PCDH15: variants seen among roughly 807,000 people sequenced by gnomAD.
PCDH15 encodes the protein protocadherin related 15.
Under a neutral mutation model 178.5 loss-of-function variants are expected in PCDH15, and 129 were observed. The ratio of observed to expected loss-of-function variants is 0.72; its 90% CI spans 0.63 to 0.84. The LOEUF is 0.84. PCDH15 is among the 40% of genes least tolerant of loss of function. The probability of loss-of-function intolerance (pLI) is 0.00; values close to 1 mark genes in which losing one functional copy is unlikely to be tolerated. For synonymous variants in PCDH15, 800 were observed against 732.0 expected, an observed-to-expected ratio of 1.09 and a Z score of -1.50; for missense variants, 2,230 against 2,099.9, an observed-to-expected ratio of 1.06 and a Z score of -1.21.
At chr10:54,772,807 C>A (rs1949247635) in intron 1 of PCDH15, among the ~76,000 whole-genome samples, 1 of 152,094 alleles carries the variant, frequency 6.6e-6, no homozygotes, top group South Asian at 2.1e-4. Context: ...TATAAAGACA[C>A]ATGCATGCAT....
chr10:54,042,732 G>A (rs540708043), intron 18 of PCDH15, among the ~76,000 whole-genome samples: 57 of 152,262 alleles, frequency 3.7e-4, no homozygotes, highest in African/African-American at 1.2e-3. Flanking sequence ...CTAACACAAT[G>A]AGCATCCACT....
intron 1 of PCDH15, among the ~76,000 whole-genome samples, chr10:55,288,878 T>C (rs1400807635): frequency 6.6e-6 from 1 of 151,580 alleles, no homozygotes; most frequent in Non-Finnish European, 1.5e-5. Context: ...TAGATATATA[T>C]ATATATATAT....
intron 31 of PCDH15, among the ~76,000 whole-genome samples, chr10:53,828,253 G>T (rs2076821857): frequency 7.1e-6 from 1 of 141,794 alleles, no homozygotes; most frequent in Non-Finnish European, 1.5e-5. Context: ...TCCTAGGAAT[G>T]CCTGTGATTC....
chr10:54,014,776 C>T (rs1193155450), intron 20 of PCDH15, among the ~76,000 whole-genome samples: 1 of 152,014 alleles, frequency 6.6e-6, no homozygotes, highest in African/African-American at 2.4e-5. Flanking sequence ...ATAATAAAAG[C>T]CATCTATGAC....
intron 1 of PCDH15, among the ~76,000 whole-genome samples, chr10:54,708,705 A>G (rs1004328595): frequency 6.6e-6 from 1 of 152,102 alleles, no homozygotes; most frequent in South Asian, 2.1e-4. Context: ...CCTAAACTGA[A>G]CTATTTCAAA....
chr10:53,834,576 C>A (rs899928218), intron 29 of PCDH15, among the ~76,000 whole-genome samples: 9 of 149,496 alleles, frequency 6.0e-5, no homozygotes, highest in African/African-American at 1.5e-4. Flanking sequence ...TATATGCAAA[C>A]CTTTTGTAAT....
chr10:55,235,634 C>T (rs566730427), intron 1 of PCDH15, among the ~76,000 whole-genome samples: 3 of 152,022 alleles, frequency 2.0e-5, no homozygotes, highest in African/African-American at 7.3e-5. Flanking sequence ...TGGCCAGGAG[C>T]GGTGGCTCAG....
chr10:54,623,177 A>G (rs1015873020), intron 2 of PCDH15, among the ~76,000 whole-genome samples: 5 of 151,964 alleles, frequency 3.3e-5, no homozygotes, highest in African/African-American at 9.7e-5. Context: ...TGAAATCACT[A>G]CTTACAGCCT....
intron 2 of PCDH15, among the ~76,000 whole-genome samples, chr10:55,092,527 ATTG>A (rs1179027659): frequency 6.6e-6 from 1 of 151,980 alleles, no homozygotes; most frequent in East Asian, 1.9e-4. Context: ...TTTAATTAAT[ATTG>A]TTAATATTAA....
intron 3 of PCDH15, among the ~76,000 whole-genome samples, chr10:54,487,403 A>G (rs1256294551): frequency 1.3e-5 from 2 of 152,032 alleles, no homozygotes; most frequent in Non-Finnish European, 2.9e-5. Flanking sequence ...AGTGTGTGTT[A>G]TTCTGGTGAC....
chr10:55,615,679 G>C (rs1008168089), intron 2 of PCDH15, among the ~76,000 whole-genome samples: 1 of 152,092 alleles, frequency 6.6e-6, no homozygotes, highest in Middle Eastern at 3.4e-3. Context: ...ATCAGCCTGG[G>C]CAACATAGTG....
At chr10:53,974,796 T>C (rs1258270163) in intron 21 of PCDH15, among the ~76,000 whole-genome samples, 1 of 152,102 alleles carries the variant, frequency 6.6e-6, no homozygotes, top group Non-Finnish European at 1.5e-5. Context: ...TCAACTTTTA[T>C]TTTAGGTTTT....
chr10:55,598,985 TA>T (rs1489623697), intron 2 of PCDH15, among the ~76,000 whole-genome samples: 5 of 152,046 alleles, frequency 3.3e-5, no homozygotes, highest in Non-Finnish European at 1.5e-5. Flanking sequence ...TAGAACTACT[TA>T]AATCAAACCA....
chr10:54,240,626 C>CTTTTTTTTTTTTTTTTTTTTTTTTT (rs1228784141), intron 8 of PCDH15, among the ~76,000 whole-genome samples: 1 of 79,662 alleles, frequency 1.3e-5, no homozygotes, highest in Non-Finnish European at 2.3e-5. Flanking sequence ...TTTTCTTTTG[C>CTTTTTTTTTTTTTTTTTTTTTTTTT]TTTTTTTTTT....
At position 54,232,871 on chromosome 10, in the gene PCDH15, A is replaced by G. The variant is rs141046395; in HGVS notation, c.985+3952T>C. ...CTACTGATTTCCTAATCCCTCTTTT[A>G]TTACTTTCCACTGTAGTCTCTATTA... On this transcript the variant is annotated intron_variant, in intron 9 of 37. Coordinates refer to ENST00000644397, the MANE Select transcript of PCDH15 (RefSeq NM_001384140.1). Among the ~76,000 whole-genome samples, 345 of 122,382 alleles carry G rather than the reference A, an allele frequency of 2.8e-3. 3 individuals carry two copies. Among genetic ancestry groups the G allele is most frequent in the African/African-American group, 1.0e-2 (314 of 31,472 alleles). 80.3% of individuals were successfully genotyped at this position (122,382 alleles called of 152,430 possible).
chr10:54,886,599 C>T (rs1409316090), intron 3 of PCDH15, among the ~76,000 whole-genome samples: 3 of 152,046 alleles, frequency 2.0e-5, no homozygotes, highest in South Asian at 2.1e-4. Context: ...ACATCTCTAC[C>T]GAAAATACAA....
At chr10:54,888,496 G>C (rs1954401968) in intron 3 of PCDH15, among the ~76,000 whole-genome samples, 1 of 151,848 alleles carries the variant, frequency 6.6e-6, no homozygotes, top group Non-Finnish European at 1.5e-5. Flanking sequence ...AATCAAACTA[G>C]TGTGAACATT....
At position 54,369,242 on chromosome 10, in the gene PCDH15, C is replaced by T. The variant is rs929285864; in HGVS notation, c.352G>A (p.Val118Ile). The T allele has an allele frequency of 6.2e-7, 1 of 1,612,732 alleles. No individual in the cohort carries two copies. ...CCCACTTTTTTGTTGATGCACTGGA[C>T]CTGCACCACAATGGAGTGTATGTTC... ...PMNIHSIVVQ[V>I]QCINKKVGTI... The change falls in exon 5 of 38, where the codon GTC (valine) becomes ATC (isoleucine). Residue 118 changes from valine to isoleucine, a missense_variant. Physicochemically the swap from Val to Ile is conservative, Grantham distance 29. Coordinates refer to ENST00000644397, the MANE Select transcript of PCDH15 (RefSeq NM_001384140.1).
intron 2 of PCDH15, among the ~76,000 whole-genome samples, chr10:54,593,617 C>G (rs1044082954): frequency 5.9e-5 from 9 of 151,966 alleles, no homozygotes; most frequent in African/African-American, 2.2e-4. Context: ...CTCTAGCTTG[C>G]TTTTCTTGCT....
Sources: gnomAD v4.1 joint callset for allele counts (sites outside exome capture counted in the v4.1 genomes callset) on GRCh38, gnomAD v4.1.1 for gene constraint, MANE v1.5 for transcripts, NCBI Gene and HGNC (gene_info 2026-07-23, HGNC 2026-07-21) for gene names.